LPCAT3: variants seen among roughly 807,000 people sequenced by gnomAD.
The protein encoded by LPCAT3 is lysophosphatidylcholine acyltransferase 3, also known as lysophospholipid acyltransferase 5.
A neutral mutation model predicts 63.4 loss-of-function variants in LPCAT3; 21 were observed. The ratio of observed to expected loss-of-function variants is 0.33; its 90% CI spans 0.23 to 0.48. LPCAT3 has a LOEUF of 0.48. Among genes scored for constraint, LPCAT3 ranks in the 20% least tolerant of loss-of-function variants. The pLI is 0.99. For synonymous variants in LPCAT3, 242 were observed against 227.5 expected (o/e 1.06, Z -0.58); for missense variants, 451 against 590.6 (o/e 0.76, Z 2.45).
intron 1 of LPCAT3, among the ~76,000 whole-genome samples, chr12:6,993,950 CA>C (rs1946611894): frequency 6.6e-6 from 1 of 152,140 alleles, no homozygotes; most frequent in African/African-American, 2.4e-5. Flanking sequence ...CATCAGCTGA[CA>C]AACAACTGGG....
chr12:6,979,003 T>C (rs782781687), intron 7 of LPCAT3: 6 of 329,142 alleles, frequency 1.8e-5, no homozygotes, highest in East Asian at 1.2e-4. Context: ...GGGGCCCATA[T>C]TGGATTTTAA....
intron 2 of LPCAT3, chr12:6,983,206 G>C (rs1555154368): frequency 2.1e-6 from 1 of 475,896 alleles, no homozygotes; most frequent in African/African-American, 2.0e-5. Flanking sequence ...TTGTTGATGA[G>C]GTATGGCAAG....
At chr12:7,006,965 A>G (rs1459521497) in intron 1 of LPCAT3, among the ~76,000 whole-genome samples, 5 of 152,222 alleles carry the variant, frequency 3.3e-5, no homozygotes, top group African/African-American at 9.6e-5. Flanking sequence ...ATATATAGAG[A>G]TCGGAACTTT....
chr12:6,978,519 T>TA lies in LPCAT3; in HGVS notation c.874-13dup, dbSNP rs1565596774. 2 of 1,611,944 alleles carry TA rather than the reference T, an allele frequency of 1.2e-6. No individual in the cohort carries two copies. Among genetic ancestry groups the TA allele is most frequent in the South Asian group, 2.2e-5 (2 of 90,956 alleles). ...ATGCATACTCCTTCCTGAGAGGGAA[T>TA]AGCTCAGTTAGGGCTCTTGCCACTC... On this transcript the variant is annotated splice_polypyrimidine_tract_variant and intron_variant, in intron 8 of 12. Transcript: ENST00000261407.
chr12:6,989,155 G>A (rs1228469119), intron 1 of LPCAT3, among the ~76,000 whole-genome samples: 1 of 151,872 alleles, frequency 6.6e-6, no homozygotes, highest in Non-Finnish European at 1.5e-5. Context: ...TGGCAGCACT[G>A]TAACTGTTCC....
At chr12:6,994,469 A>C (rs1555155844) in intron 1 of LPCAT3, among the ~76,000 whole-genome samples, 1 of 151,814 alleles carries the variant, frequency 6.6e-6, no homozygotes, top group East Asian at 1.9e-4. Context: ...TGGCGTCCCA[A>C]AGTGCTGGGA....
At chr12:7,001,132 T>C (rs1485284561) in intron 1 of LPCAT3, among the ~76,000 whole-genome samples, 8 of 150,894 alleles carry the variant, frequency 5.3e-5, no homozygotes, top group Non-Finnish European at 2.9e-5. Context: ...ATTAAATCTA[T>C]AGAAAGTAAA....
intron 1 of LPCAT3, among the ~76,000 whole-genome samples, chr12:7,009,210 T>G (rs1555157060): frequency 6.6e-6 from 1 of 152,134 alleles, no homozygotes; most frequent in East Asian, 1.9e-4. Flanking sequence ...TACAGGCATG[T>G]GCCACCATGC....
intron 3 of LPCAT3, 55 bp downstream of exon 3, chr12:6,982,619 CCT>C (rs1392079083): frequency 2.3e-6 from 3 of 1,322,150 alleles, no homozygotes; most frequent in East Asian, 2.3e-5. Flanking sequence ...CCTGCCTACC[CCT>C]GTCCCCTGAA....
At chr12:7,003,785 G>C (rs1004945283) in intron 1 of LPCAT3, among the ~76,000 whole-genome samples, 4 of 151,852 alleles carry the variant, frequency 2.6e-5, no homozygotes, top group Non-Finnish European at 5.9e-5. Flanking sequence ...AGCCGGGCGC[G>C]GTGGCGGGCG....
chr12:6,994,624 G>A (rs782395963), intron 1 of LPCAT3, among the ~76,000 whole-genome samples: 2 of 152,118 alleles, frequency 1.3e-5, no homozygotes, highest in East Asian at 1.9e-4. Context: ...GCACAGGACC[G>A]GCTAATTTCT....
At chr12:6,998,614 A>G (rs1344469968) in intron 1 of LPCAT3, among the ~76,000 whole-genome samples, 9 of 152,216 alleles carry the variant, frequency 5.9e-5, no homozygotes, top group Admixed American at 5.2e-4. Context: ...AATGAGATAC[A>G]AAATCTCATT....
chr12:6,999,916 C>CCTTT (rs1555156367), intron 1 of LPCAT3, among the ~76,000 whole-genome samples: 11 of 114,534 alleles, frequency 9.6e-5, no homozygotes, highest in Non-Finnish European at 1.8e-4. Flanking sequence ...TACTTACATT[C>CCTTT]TTTTTTTTTT....
chr12:7,018,220 C>G lies in LPCAT3; in HGVS notation c.151+54G>C. The G allele has an allele frequency of 6.4e-7, 1 of 1,556,754 alleles. No individual in the cohort carries two copies. Among genetic ancestry groups the G allele is most frequent in the South Asian group, 1.2e-5 (1 of 84,554 alleles). On this transcript the variant is annotated intron_variant, in intron 1 of 12. Coordinates refer to ENST00000261407, the MANE Select transcript of LPCAT3 (RefSeq NM_005768.6). This position sits in a 1 kb window ranked among gnomAD's most constrained non-coding sequence, Gnocchi z 4.9. Reference sequence around the variant, plus strand: ...AGAGGGAGGTCCTGTCCCCATTCCTCCCCTACTCCCCGGGGACTCCGCGAG... The same window carrying G: ...AGAGGGAGGTCCTGTCCCCATTCCTGCCCTACTCCCCGGGGACTCCGCGAG...
intron 2 of LPCAT3, chr12:6,983,101 A>G: frequency 2.0e-6 from 1 of 509,026 alleles, no homozygotes; most frequent in Non-Finnish European, 3.6e-6. Context: ...TTGTTACTGT[A>G]TTTTTGAATG....
intron 1 of LPCAT3, among the ~76,000 whole-genome samples, chr12:6,989,915 G>A (rs1946571446): frequency 6.6e-6 from 1 of 152,186 alleles, no homozygotes; most frequent in African/African-American, 2.4e-5. Context: ...GCTCACACCT[G>A]TAATCCCAGT....
In LPCAT3 at chr12:6,981,590, C is replaced by T; in HGVS notation, c.498+5G>A. 1 of 1,613,998 alleles carries T rather than the reference C, an allele frequency of 6.2e-7. No homozygotes were observed. The highest frequency in any genetic ancestry group is 8.5e-7 in the Non-Finnish European group (1 of 1,179,874). On this transcript the variant is annotated splice_donor_5th_base_variant and intron_variant, in intron 5 of 12. Transcript: ENST00000261407. ...GAACCTCTCTGCCGATGAATGGGTA[C>T]TTACCTGATCTTTCCCTCCGTCAAA...
chr12:6,998,481 A>G (rs2138351094), intron 1 of LPCAT3, among the ~76,000 whole-genome samples: 1 of 152,356 alleles, frequency 6.6e-6, no homozygotes, highest in African/African-American at 2.4e-5. Flanking sequence ...GAAGTTCCTT[A>G]TGTTAGAGAA....
At chr12:6,982,036 G>A in intron 3 of LPCAT3, 132 bp from the exon 4 acceptor site, 1 of 628,710 alleles carries the variant, frequency 1.6e-6, no homozygotes, top group East Asian at 2.7e-5. Context: ...CCTACAAATG[G>A]AGGTGCTGAA....
Sources: gnomAD v4.1 joint callset for allele counts (sites outside exome capture counted in the v4.1 genomes callset) on GRCh38, gnomAD v4.1.1 for gene constraint, Gnocchi (gnomAD v3.1) non-coding constraint, MANE v1.5 for transcripts, NCBI Gene and HGNC (gene_info 2026-07-23, HGNC 2026-07-21) for gene names.